Variants in ABCG1 observed in about 807,000 individuals in gnomAD.
ABCG1 encodes the protein ATP-binding cassette sub-family G member 1.
Under a neutral mutation model 69.2 loss-of-function variants are expected in ABCG1, and 29 were observed. The ratio of observed to expected loss-of-function variants is 0.42; its 90% confidence interval spans 0.31 to 0.57. The LOEUF (loss-of-function observed/expected upper bound fraction) is 0.57, where lower values mean the gene tolerates loss of function less well. ABCG1 is among the 20% of genes least tolerant of loss of function. The probability of loss-of-function intolerance (pLI) is 0.15; values close to 1 mark genes in which losing one functional copy is unlikely to be tolerated. For missense variants in ABCG1, 718 were observed against 898.1 expected (o/e 0.80, Z 2.56); for synonymous variants, 370 against 374.8 (o/e 0.99, Z 0.15).
intron 2 of ABCG1, among the ~76,000 whole-genome samples, chr21:42,242,369 T>C (rs1405346815): frequency 6.6e-6 from 1 of 152,106 alleles, no homozygotes; most frequent in Non-Finnish European, 1.5e-5. Context: ...AGCATAGTAG[T>C]GTGCACCTGT....
intron 1 of ABCG1, among the ~76,000 whole-genome samples, chr21:42,220,908 A>G (rs1250326384): frequency 1.3e-5 from 2 of 152,252 alleles, no homozygotes; most frequent in African/African-American, 4.8e-5. Flanking sequence ...CTAGAGCTGC[A>G]AAGGTGGCTT....
chr21:42,264,495 A>C (rs1210914163), intron 2 of ABCG1, among the ~76,000 whole-genome samples: 6 of 46,274 alleles, frequency 1.3e-4, no homozygotes, highest in Non-Finnish European at 2.9e-4. Flanking sequence ...CCATCCATCC[A>C]TTCATCCATT....
chr21:42,292,660 CCACA>C (rs2069087736), intron 13 of ABCG1, among the ~76,000 whole-genome samples: 1 of 150,476 alleles, frequency 6.6e-6, no homozygotes, highest in Admixed American at 6.6e-5. Context: ...ACACTACACA[CCACA>C]CACACTACAC....
chr21:42,245,310 A>T (rs1191162796), intron 2 of ABCG1, among the ~76,000 whole-genome samples: 1 of 152,254 alleles, frequency 6.6e-6, no homozygotes, highest in Admixed American at 6.5e-5. Context: ...ACTTACAAGG[A>T]ACCTGTTGGG....
intron 2 of ABCG1, among the ~76,000 whole-genome samples, chr21:42,254,118 A>G (rs3787985): frequency 0.26 from 39,141 of 151,774 alleles, 5,950 homozygotes; most frequent in African/African-American, 0.43. Flanking sequence ...AGAAGTATGG[A>G]TGGGGAATGC....
At chr21:42,216,971 T>C (rs1274279972), upstream of ABCG1, among the ~76,000 whole-genome samples, 1 of 152,134 alleles carries the variant, frequency 6.6e-6, no homozygotes, top group Non-Finnish European at 1.5e-5. Flanking sequence ...CTTTCACTTA[T>C]CCTGCAACAG....
At chr21:42,286,406 C>T (rs992599383) in intron 8 of ABCG1, among the ~76,000 whole-genome samples, 1 of 152,232 alleles carries the variant, frequency 6.6e-6, no homozygotes, top group African/African-American at 2.4e-5. Context: ...CTTAATCTGT[C>T]GTTTTTCTTT....
At chr21:42,227,963 G>C (rs750769762) in intron 2 of ABCG1, among the ~76,000 whole-genome samples, 12 of 152,060 alleles carry the variant, frequency 7.9e-5, no homozygotes, top group Non-Finnish European at 1.6e-4. Flanking sequence ...CACACCTCTC[G>C]CCCAGTCCCT....
At chr21:42,260,390 G>A (rs912356256) in intron 2 of ABCG1, among the ~76,000 whole-genome samples, 2 of 152,220 alleles carry the variant, frequency 1.3e-5, no homozygotes, top group Non-Finnish European at 2.9e-5. Context: ...AAGCCGGGGA[G>A]CCTGAGTGTG....
chr21:42,246,709 T>C (rs1384426305), intron 2 of ABCG1, among the ~76,000 whole-genome samples: 1 of 152,252 alleles, frequency 6.6e-6, no homozygotes, highest in Non-Finnish European at 1.5e-5. Flanking sequence ...AAGATTCATA[T>C]AGTCCACGCT....
At chr21:42,278,490 GT>G (rs2123758546) in intron 5 of ABCG1, among the ~76,000 whole-genome samples, 1 of 152,312 alleles carries the variant, frequency 6.6e-6, no homozygotes, top group South Asian at 2.1e-4. Flanking sequence ...GTGGGCCTCA[GT>G]CCAGTCTAAC....
chr21:42,291,852 C>G lies in ABCG1; in HGVS notation c.1653+196C>G, dbSNP rs2069068280. Among the ~76,000 whole-genome samples, 1 of 152,204 alleles carries G rather than the reference C, an allele frequency of 6.6e-6. No homozygotes were observed. Among genetic ancestry groups the G allele is most frequent in the South Asian group, 2.1e-4 (1 of 4,838 alleles). On this transcript the variant is annotated intron_variant, in intron 13 of 14. Coordinates refer to ENST00000398449, the MANE Select transcript of ABCG1 (RefSeq NM_016818.3). This position sits in a 1 kb window ranked among gnomAD's most constrained non-coding sequence, Gnocchi z 6.4. ...CTTCCACAGTGCGCACAGCGGGCAGCCTCACGTGTGCTGACTGCGTGCTGG... is the reference window on the plus strand; with the variant it reads ...CTTCCACAGTGCGCACAGCGGGCAGGCTCACGTGTGCTGACTGCGTGCTGG...
chr21:42,222,001 A>T (rs2067735914), intron 1 of ABCG1, among the ~76,000 whole-genome samples: 1 of 152,198 alleles, frequency 6.6e-6, no homozygotes, highest in African/African-American at 2.4e-5. Flanking sequence ...GCAGCCAGGA[A>T]CAATCCAAAC....
chr21:42,274,447 A>G (rs2068673531), intron 4 of ABCG1, among the ~76,000 whole-genome samples: 1 of 150,226 alleles, frequency 6.7e-6, no homozygotes, highest in Non-Finnish European at 1.5e-5. Context: ...CGACCCAGCC[A>G]AGTGCCATGC....
intron 2 of ABCG1, among the ~76,000 whole-genome samples, chr21:42,228,928 TA>T (rs1435860272): frequency 1.3e-5 from 2 of 152,226 alleles, no homozygotes; most frequent in Admixed American, 1.3e-4. Flanking sequence ...CAGTGCGCAT[TA>T]AATGCGGATC....
At chr21:42,221,673 T>C (rs888787918) in intron 1 of ABCG1, among the ~76,000 whole-genome samples, 1 of 152,198 alleles carries the variant, frequency 6.6e-6, no homozygotes, top group African/African-American at 2.4e-5. Flanking sequence ...CATTTTCCTC[T>C]TATGTGCTTA....
chr21:42,261,958 C>A (rs1042112505), intron 2 of ABCG1, among the ~76,000 whole-genome samples: 3 of 152,302 alleles, frequency 2.0e-5, no homozygotes, highest in East Asian at 3.9e-4. Context: ...TGCTGGGAAA[C>A]AAAACCCAAT....
In ABCG1 at chr21:42,287,943, C is replaced by T. The variant is rs758328427; in HGVS notation, c.1028C>T (p.Ala343Val). 8 of 1,612,678 alleles carry T rather than the reference C, an allele frequency of 5.0e-6. No homozygotes were observed. Among genetic ancestry groups the T allele is most frequent in the East Asian group, 2.2e-5 (1 of 44,846 alleles). Residue 343 changes from alanine (A) to valine (V), a missense_variant, in exon 9 of 15, where the codon GCG (alanine) becomes GTG (valine). Transcript: ENST00000398449. The surrounding 1 kb of genome is among the most constrained non-coding windows in gnomAD (Gnocchi z 6.2). Reference sequence around the variant, plus strand: ...GATCAGAACAGTCGGCTGGTGAGAGCGGTTCGGGAGGGCATGTGTGACTCA... The same window carrying T: ...GATCAGAACAGTCGGCTGGTGAGAGTGGTTCGGGAGGGCATGTGTGACTCA... Reference protein sequence around the residue: ...YGDQNSRLVRAVREGMCDSDH... With the variant: ...YGDQNSRLVRVVREGMCDSDH...
intron 6 of ABCG1, among the ~76,000 whole-genome samples, chr21:42,284,223 A>AC (rs371298411): frequency 7.8e-4 from 86 of 110,282 alleles, no homozygotes; most frequent in African/African-American, 3.1e-3. Context: ...ATGAGTGGGG[A>AC]CCCCCCCACC....
Sources: allele counts gnomAD v4.1 joint callset (sites outside exome capture counted in the v4.1 genomes callset), GRCh38; gene constraint gnomAD v4.1.1; non-coding constraint Gnocchi (gnomAD v3.1); transcripts MANE v1.5; gene names NCBI Gene and HGNC (gene_info 2026-07-23, HGNC 2026-07-21).